Variants in HMGCLL1 observed in about 807,000 individuals in gnomAD.
HMGCLL1 encodes 3-hydroxymethyl-3-methylglutaryl-CoA lyase, cytoplasmic.
HMGCLL1 carries 36 observed loss-of-function variants against 39.1 expected under a neutral mutation model. The ratio of observed to expected loss-of-function variants is 0.92; its 90% CI spans 0.71 to 1.22. The LOEUF (loss-of-function observed/expected upper bound fraction) is 1.22. HMGCLL1 is among the 50% of genes most tolerant of loss of function. The probability of loss-of-function intolerance (pLI) is 0.00; values close to 1 mark genes in which losing one functional copy is unlikely to be tolerated. For synonymous variants in HMGCLL1, 149 were observed against 144.0 expected, an observed-to-expected ratio of 1.03 and a Z score of -0.25; for missense variants, 451 against 416.5, an observed-to-expected ratio of 1.08 and a Z score of -0.72.
chr6:55,641,835 T>C, the HMGCLL1 span, among the ~76,000 whole-genome samples: 3 of 150,948 alleles, frequency 2.0e-5, no homozygotes, highest in African/African-American at 7.2e-5. Context: ...TAAAGGTATT[T>C]CACATTCCCT....
intron 7 of HMGCLL1, among the ~76,000 whole-genome samples, chr6:55,441,627 C>T (rs991944579): frequency 2.6e-5 from 4 of 152,024 alleles, no homozygotes; most frequent in African/African-American, 9.7e-5. Flanking sequence ...GTATCCTTAG[C>T]CTCCTATGGG....
chr6:55,577,918 C>T (rs1195806201), intron 1 of HMGCLL1, among the ~76,000 whole-genome samples: 2 of 152,044 alleles, frequency 1.3e-5, no homozygotes. Flanking sequence ...TAACGAGAAA[C>T]AAAATATCTT....
rs779833199 is a variant in HMGCLL1 at position 55,578,952 on chromosome 6, G to A, written c.104C>T (p.Ala35Val). 3 of 1,609,654 alleles carry A rather than the reference G, an allele frequency of 1.9e-6. No homozygotes were observed. The African/African-American group carries it at 4.0e-5, about 22-fold the overall frequency. The change falls in exon 1 of 9, where the codon GCG becomes GTG. Residue 35 changes from alanine to valine, a missense_variant. Transcript: ENST00000274901. ...GDSVAGALDP[A>V]QETSQLSGLP... ...CCCTGGGCCGCGAGGTGGTACCTGC[G>A]CGGGGTCGAGCGCCCCTGCCACTGA... is the stretch of plus-strand genomic sequence containing the variant.
At chr6:55,629,191 C>G in the HMGCLL1 span, among the ~76,000 whole-genome samples, 1 of 152,152 alleles carries the variant, frequency 6.6e-6, no homozygotes, top group Non-Finnish European at 1.5e-5. Context: ...GCGATATGGA[C>G]AGTAAAGTCC....
At chr6:55,604,147 C>G in the HMGCLL1 span, among the ~76,000 whole-genome samples, 1 of 152,014 alleles carries the variant, frequency 6.6e-6, no homozygotes, top group East Asian at 1.9e-4. Context: ...AGGGAGTTGG[C>G]CCAGTTGCTG....
At chr6:55,543,169 T>A (rs1219901829) in intron 1 of HMGCLL1, among the ~76,000 whole-genome samples, 1 of 7,436 alleles carries the variant, frequency 1.3e-4, no homozygotes, top group Admixed American at 4.3e-3. Flanking sequence ...ATATATATAA[T>A]ATATAATATA....
intron 7 of HMGCLL1, among the ~76,000 whole-genome samples, chr6:55,459,490 C>T (rs531743826): frequency 2.0e-5 from 3 of 152,046 alleles, no homozygotes; most frequent in African/African-American, 4.8e-5. Flanking sequence ...ATATAAATAA[C>T]GTCAATGACA....
intron 1 of HMGCLL1, among the ~76,000 whole-genome samples, chr6:55,550,226 T>C (rs1230228191): frequency 6.6e-6 from 1 of 152,012 alleles, no homozygotes; most frequent in East Asian, 1.9e-4. Context: ...TTCTGATTAA[T>C]AGACTACAGC....
intron 1 of HMGCLL1, among the ~76,000 whole-genome samples, chr6:55,560,627 A>T (rs1262127170): frequency 6.6e-6 from 1 of 152,146 alleles, no homozygotes; most frequent in African/African-American, 2.4e-5. Flanking sequence ...CCTGAAAAGT[A>T]AACCTTCCAA....
At chr6:55,675,014 T>A in the HMGCLL1 span, among the ~76,000 whole-genome samples, 6 of 152,132 alleles carry the variant, frequency 3.9e-5, no homozygotes, top group African/African-American at 1.4e-4. Context: ...AATCCAGTCA[T>A]ACTGATACAT....
chr6:55,647,906 C>T, the HMGCLL1 span, among the ~76,000 whole-genome samples: 3 of 111,056 alleles, frequency 2.7e-5, no homozygotes, highest in Admixed American at 2.8e-4. Context: ...TCTCCCAATG[C>T]TATCCCTCCC....
intron 1 of HMGCLL1, chr6:55,577,019 T>G: frequency 6.3e-7 from 1 of 1,597,482 alleles, no homozygotes; most frequent in East Asian, 2.3e-5. Context: ...GAGTGTAGAT[T>G]GTCACTCAAA....
chr6:55,490,114 GT>G (rs1766234406), intron 7 of HMGCLL1, among the ~76,000 whole-genome samples: 1 of 152,038 alleles, frequency 6.6e-6, no homozygotes, highest in Non-Finnish European at 1.5e-5. Flanking sequence ...ACTTCCCTGT[GT>G]ATATCTGCAC....
intron 1 of HMGCLL1, among the ~76,000 whole-genome samples, chr6:55,555,415 T>C (rs1457516637): frequency 1.3e-5 from 2 of 152,210 alleles, no homozygotes; most frequent in Non-Finnish European, 2.9e-5. Context: ...TTATTATGCT[T>C]CTAGCACTCA....
At chr6:55,513,690 G>A (rs894147990) in intron 5 of HMGCLL1, 5 of 245,728 alleles carry the variant, frequency 2.0e-5, no homozygotes, top group Non-Finnish European at 3.0e-5. Flanking sequence ...AACCACATTA[G>A]GTGATTCTTT....
the HMGCLL1 span, among the ~76,000 whole-genome samples, chr6:55,587,121 G>A: frequency 0.11 from 16,024 of 152,110 alleles, 1,126 homozygotes; most frequent in East Asian, 0.3. Flanking sequence ...ATGTGGTTTC[G>A]ATTTGCATTT....
chr6:55,592,766 T>G, the HMGCLL1 span, among the ~76,000 whole-genome samples: 7 of 152,058 alleles, frequency 4.6e-5, no homozygotes, highest in Non-Finnish European at 7.4e-5. Context: ...AATATTTAAG[T>G]GGACACTAAT....
the HMGCLL1 span, among the ~76,000 whole-genome samples, chr6:55,662,247 G>A: frequency 1.3e-5 from 2 of 151,720 alleles, no homozygotes; most frequent in Non-Finnish European, 2.9e-5. Context: ...CTAAGAGAGG[G>A]CATCCTTGTC....
At chr6:55,578,384 G>A (rs999543964) in intron 1 of HMGCLL1, among the ~76,000 whole-genome samples, 7 of 152,094 alleles carry the variant, frequency 4.6e-5, no homozygotes, top group African/African-American at 1.7e-4. Context: ...GCCCTTTCAG[G>A]AACAATGTGG....
Sources: gnomAD v4.1 joint callset for allele counts (sites outside exome capture counted in the v4.1 genomes callset) on GRCh38, gnomAD v4.1.1 for gene constraint, MANE v1.5 for transcripts, NCBI Gene and HGNC (gene_info 2026-07-23, HGNC 2026-07-21) for gene names.